Variants in TBC1D32 observed in about 807,000 individuals in gnomAD.
TBC1D32 encodes protein broad-minded.
A neutral mutation model predicts 170.3 loss-of-function variants in TBC1D32; 151 were observed. The observed-to-expected ratio is 0.89, with a 90% confidence interval of 0.78 to 1.01. The LOEUF (loss-of-function observed/expected upper bound fraction) is 1.01. Among genes scored for constraint, TBC1D32 ranks in the 50% least tolerant of loss-of-function variants. The pLI is 0.00. For missense variants in TBC1D32, 1,464 were observed against 1,457.1 expected (o/e 1.00, Z -0.08); for synonymous variants, 498 against 488.0 (o/e 1.02, Z -0.27).
chr6:121,125,588 T>C (rs1780749274), intron 26 of TBC1D32, among the ~76,000 whole-genome samples: 1 of 152,098 alleles, frequency 6.6e-6, no homozygotes, highest in East Asian at 1.9e-4. Context: ...ACTACGCTCC[T>C]CAAGATCTGC....
intron 24 of TBC1D32, among the ~76,000 whole-genome samples, chr6:121,135,791 C>G (rs1377679836): frequency 2.6e-5 from 4 of 152,112 alleles, no homozygotes; most frequent in African/African-American, 9.7e-5. Flanking sequence ...ATGGAGAGTA[C>G]TAGTTAACTA....
chr6:121,284,004 G>A (rs1309949321), intron 12 of TBC1D32, 94 bp from the exon 13 acceptor site: 9 of 897,816 alleles, frequency 1.0e-5, no homozygotes, highest in Admixed American at 4.9e-5. Context: ...ATATAGTTGA[G>A]GTTTTGTACA....
rs746242313 is a variant in TBC1D32 at position 121,112,644 on chromosome 6, T to C, written c.3185A>G (p.Asn1062Ser). ...IKSSLLCLQG[N>S]YAGHDWFVSS... ...TACAAACCAGTCATGGCCAGCATAA[T>C]TCCCTTGCAGGCAGACTGAAAAACA... The change falls in exon 29 of 32, where the codon AAT (asparagine) becomes AGT (serine). Residue 1062 changes from asparagine to serine, a missense_variant. Around this residue, in one of 3 missense-constraint regions of TBC1D32, gnomAD observed 1,363 missense variants for 1,338.1 expected, o/e 1.02. Coordinates refer to ENST00000398212, the MANE Select transcript of TBC1D32 (RefSeq NM_152730.6). 1 of 1,585,004 alleles carries C rather than the reference T, an allele frequency of 6.3e-7. No homozygotes were observed. The highest frequency in any genetic ancestry group is 8.6e-7 in the Non-Finnish European group (1 of 1,167,006).
At chr6:121,194,244 GC>G (rs1790435388) in intron 22 of TBC1D32, among the ~76,000 whole-genome samples, 1 of 152,272 alleles carries the variant, frequency 6.6e-6, no homozygotes, top group South Asian at 2.1e-4. Context: ...TGCATAATTG[GC>G]ATAGACATAC....
chr6:121,140,733 C>T (rs142943227), intron 24 of TBC1D32, among the ~76,000 whole-genome samples: 1,705 of 151,962 alleles, frequency 0.011, 7 homozygotes, highest in Middle Eastern at 0.027. Context: ...GCTAACAATG[C>T]ACACCTTTTA....
intron 26 of TBC1D32, 84 bp from the exon 27 acceptor site, chr6:121,115,325 T>C: frequency 1.1e-6 from 1 of 908,462 alleles, no homozygotes; most frequent in Non-Finnish European, 1.6e-6. Flanking sequence ...ATGAAAGCAA[T>C]ATTTTTACAT....
intron 17 of TBC1D32, among the ~76,000 whole-genome samples, chr6:121,252,820 G>A (rs1223365460): frequency 6.6e-6 from 1 of 152,034 alleles, no homozygotes; most frequent in Non-Finnish European, 1.5e-5. Context: ...ACAGCCAACT[G>A]ATCTTCAACA....
At chr6:121,284,637 T>A (rs1335377547) in intron 12 of TBC1D32, among the ~76,000 whole-genome samples, 1 of 152,094 alleles carries the variant, frequency 6.6e-6, no homozygotes, top group Non-Finnish European at 1.5e-5. Context: ...TCTGGTGAAA[T>A]CACATGTGAA....
intron 15 of TBC1D32, among the ~76,000 whole-genome samples, chr6:121,259,792 G>A (rs138703506): frequency 1.3e-5 from 2 of 152,246 alleles, no homozygotes; most frequent in African/African-American, 4.8e-5. Flanking sequence ...TCTAAATTGG[G>A]GGGTAAAAGT....
intron 24 of TBC1D32, among the ~76,000 whole-genome samples, chr6:121,159,566 G>T (rs1785344821): frequency 6.6e-6 from 1 of 152,058 alleles, no homozygotes; most frequent in African/African-American, 2.4e-5. Flanking sequence ...GTCACTTTGT[G>T]AACACTGTAG....
At chr6:121,102,207 A>G (rs1301429822) in intron 30 of TBC1D32, among the ~76,000 whole-genome samples, 1 of 152,138 alleles carries the variant, frequency 6.6e-6, no homozygotes, top group Non-Finnish European at 1.5e-5. Context: ...CTAGCTACCA[A>G]TGACTTTCTT....
At chr6:121,251,426 A>G (rs116676433) in intron 17 of TBC1D32, among the ~76,000 whole-genome samples, 4,978 of 152,084 alleles carry the variant, frequency 0.033, 191 homozygotes, top group East Asian at 0.12. Flanking sequence ...TGTGATCTTC[A>G]ACAAACCTGA....
intron 2 of TBC1D32, among the ~76,000 whole-genome samples, chr6:121,320,083 A>T (rs1225943519): frequency 6.6e-6 from 1 of 152,046 alleles, no homozygotes; most frequent in Non-Finnish European, 1.5e-5. Context: ...TCTGTGTGCA[A>T]ATATCTGCTT....
chr6:121,206,943 T>C (rs771684729), intron 21 of TBC1D32, among the ~76,000 whole-genome samples: 2 of 152,194 alleles, frequency 1.3e-5, no homozygotes, highest in Non-Finnish European at 2.9e-5. Flanking sequence ...CTGAATTAGC[T>C]ACATGACAGA....
intron 22 of TBC1D32, among the ~76,000 whole-genome samples, chr6:121,194,038 CA>C (rs911146351): frequency 6.6e-6 from 1 of 152,004 alleles, no homozygotes; most frequent in Admixed American, 6.6e-5. Flanking sequence ...GGAAAATGAT[CA>C]GACATTTTGG....
intron 24 of TBC1D32, among the ~76,000 whole-genome samples, chr6:121,152,228 T>C (rs1463133828): frequency 6.6e-6 from 1 of 152,214 alleles, no homozygotes; most frequent in Non-Finnish European, 1.5e-5. Flanking sequence ...TTTGTTTGTC[T>C]GTAAAGGATT....
At chr6:121,168,650 C>T (rs1334221172) in intron 22 of TBC1D32, among the ~76,000 whole-genome samples, 1 of 114,562 alleles carries the variant, frequency 8.7e-6, no homozygotes, top group African/African-American at 3.2e-5. Flanking sequence ...CAGCATGGCA[C>T]ATGTATACAT....
At chr6:121,334,587 G>T (rs1176943819), upstream of TBC1D32, 1 of 828,962 alleles carries the variant, frequency 1.2e-6, no homozygotes, top group Non-Finnish European at 1.9e-6. Context: ...TCAGCTGCCA[G>T]TGCGTCATTT....
chr6:121,273,580 T>A (rs1801801306), intron 15 of TBC1D32, among the ~76,000 whole-genome samples: 1 of 150,742 alleles, frequency 6.6e-6, no homozygotes, highest in African/African-American at 2.4e-5. Context: ...GACACACATA[T>A]ACATATGTAA....
Sources: allele counts gnomAD v4.1 joint callset (sites outside exome capture counted in the v4.1 genomes callset), GRCh38; gene constraint gnomAD v4.1.1; regional missense constraint gnomAD v4.1.1; transcripts MANE v1.5; gene names NCBI Gene and HGNC (gene_info 2026-07-23, HGNC 2026-07-21).